The following CSMD1 variants were observed in gnomAD, a reference collection of about 807,000 sequenced individuals.
The protein encoded by CSMD1 is CUB and Sushi multiple domains 1.
A neutral mutation model predicts 417.5 loss-of-function variants in CSMD1; 213 were observed. The ratio of observed to expected loss-of-function variants is 0.51; its 90% confidence interval spans 0.46 to 0.57. CSMD1 has a LOEUF of 0.57. Among genes scored for constraint, CSMD1 ranks in the 20% least tolerant of loss-of-function variants. The pLI is 0.00. For missense variants in CSMD1, 6,923 were observed against 4,529.7 expected (o/e 1.53, Z -15.17); for synonymous variants, 2,862 against 1,736.8 (o/e 1.65, Z -16.11).
chr8:3,229,842 G>A (rs964527895), intron 27 of CSMD1, among the ~76,000 whole-genome samples, 198 bp downstream of exon 27: 5 of 152,106 alleles, frequency 3.3e-5, no homozygotes, highest in Non-Finnish European at 7.3e-5. Context: ...TACCTTAAGG[G>A]GATGACTTCC....
chr8:3,285,104 C>A (rs1295930632), intron 25 of CSMD1, among the ~76,000 whole-genome samples: 1 of 152,038 alleles, frequency 6.6e-6, no homozygotes, highest in Admixed American at 6.6e-5. Context: ...AATTAGCAGC[C>A]CTGAATGGGT....
At chr8:4,634,064 G>C (rs184118832) in intron 2 of CSMD1, among the ~76,000 whole-genome samples, 57 of 149,038 alleles carry the variant, frequency 3.8e-4, no homozygotes, top group Non-Finnish European at 7.3e-4. Context: ...TTTTCATTTT[G>C]AATTTTGAGT....
At chr8:4,553,749 T>A (rs1057042548) in intron 2 of CSMD1, among the ~76,000 whole-genome samples, 1 of 152,202 alleles carries the variant, frequency 6.6e-6, no homozygotes, top group African/African-American at 2.4e-5. Context: ...TACAGAATAT[T>A]TCTAACTGCT....
intron 26 of CSMD1, among the ~76,000 whole-genome samples, chr8:3,244,737 G>C (rs1190663264): frequency 1.3e-5 from 2 of 152,300 alleles, no homozygotes; most frequent in South Asian, 2.1e-4. Context: ...GGGAAACAAG[G>C]GTTGAATGGG....
At chr8:4,623,132 C>T (rs570211084) in intron 2 of CSMD1, among the ~76,000 whole-genome samples, 64 of 152,052 alleles carry the variant, frequency 4.2e-4, no homozygotes, top group Non-Finnish European at 8.7e-4. Flanking sequence ...ATTTAGAAAG[C>T]TCTGATAACT....
At chr8:3,255,485 G>C (rs773945703) in intron 26 of CSMD1, among the ~76,000 whole-genome samples, 2 of 152,198 alleles carry the variant, frequency 1.3e-5, no homozygotes, top group African/African-American at 4.8e-5. Context: ...ACAGAGGCAG[G>C]CAGGCCTCCT....
At chr8:3,224,438 A>C (rs1334300688) in intron 27 of CSMD1, among the ~76,000 whole-genome samples, 1 of 152,226 alleles carries the variant, frequency 6.6e-6, no homozygotes, top group Non-Finnish European at 1.5e-5. Context: ...TATTGGGTAC[A>C]TGAAAACATG....
intron 5 of CSMD1, among the ~76,000 whole-genome samples, chr8:3,809,546 AT>A (rs1052971098): frequency 6.6e-6 from 1 of 152,128 alleles, no homozygotes; most frequent in Admixed American, 6.6e-5. Flanking sequence ...AAACATTGCC[AT>A]GCATCGGATT....
chr8:3,171,424 T>C (rs193164654), intron 37 of CSMD1, among the ~76,000 whole-genome samples: 20 of 152,266 alleles, frequency 1.3e-4, no homozygotes, highest in Admixed American at 4.6e-4. Flanking sequence ...CTGACATGTC[T>C]AAAGTCCACT....
At chr8:3,503,110 C>A (rs1191810236) in intron 10 of CSMD1, among the ~76,000 whole-genome samples, 3 of 152,158 alleles carry the variant, frequency 2.0e-5, no homozygotes, top group Admixed American at 6.5e-5. Flanking sequence ...CTGTATGCAA[C>A]ACATACCAAT....
intron 39 of CSMD1, among the ~76,000 whole-genome samples, chr8:3,152,177 G>A (rs946424722): frequency 6.6e-6 from 1 of 152,166 alleles, no homozygotes; most frequent in African/African-American, 2.4e-5. Flanking sequence ...TGTGAGAGAG[G>A]GTGAAATAAG....
chr8:4,385,533 C>A (rs563359469), intron 3 of CSMD1, among the ~76,000 whole-genome samples: 2 of 152,104 alleles, frequency 1.3e-5, no homozygotes, highest in Admixed American at 6.5e-5. Context: ...ATATTAATCT[C>A]CTTTCATTTT....
intron 2 of CSMD1, among the ~76,000 whole-genome samples, chr8:4,583,684 G>C (rs1374734295): frequency 6.6e-6 from 1 of 152,130 alleles, no homozygotes; most frequent in South Asian, 2.1e-4. Flanking sequence ...GGGTCGTGGA[G>C]AACCTTTGTA....
At chr8:4,257,813 G>C (rs960351917) in intron 3 of CSMD1, among the ~76,000 whole-genome samples, 1 of 152,172 alleles carries the variant, frequency 6.6e-6, no homozygotes, top group Non-Finnish European at 1.5e-5. Context: ...TGTGCATGAG[G>C]TTGCATGCAT....
At chr8:4,804,867 C>G (rs1224067997) in intron 1 of CSMD1, among the ~76,000 whole-genome samples, 2 of 152,138 alleles carry the variant, frequency 1.3e-5, no homozygotes, top group Non-Finnish European at 2.9e-5. Context: ...TGTCTAACAG[C>G]CTGTACCCAA....
chr8:3,322,947 T>G (rs1303354053), intron 23 of CSMD1, among the ~76,000 whole-genome samples: 1 of 152,226 alleles, frequency 6.6e-6, no homozygotes, highest in Non-Finnish European at 1.5e-5. Flanking sequence ...TTGTTTTTGT[T>G]TTTGTTTTCC....
rs1187691655 is a variant in CSMD1, at chr8:2,992,197, ATACATACACACATGCACAC to A, written c.8377+5795_8377+5813del. On this transcript the variant is annotated intron_variant, in intron 54 of 69. Coordinates refer to ENST00000635120, the MANE Select transcript of CSMD1 (RefSeq NM_033225.6). ...CACACATGAACACACACATGCACAC[ATACATACACACATGCACAC>A]ACACATGCACACATGCCACACTCAT... Among the ~76,000 whole-genome samples, 10 of 89,808 alleles carry A rather than the reference ATACATACACACATGCACAC, an allele frequency of 1.1e-4. No individual in the cohort carries two copies. The African/African-American group carries it at 1.2e-3, about 11-fold the overall frequency. 58.9% of individuals were successfully genotyped at this position (89,808 alleles called of 152,430 possible).
At chr8:3,603,360 G>A (rs191030914) in intron 8 of CSMD1, among the ~76,000 whole-genome samples, 4 of 152,224 alleles carry the variant, frequency 2.6e-5, no homozygotes, top group African/African-American at 4.8e-5. Flanking sequence ...TTTGGACAAT[G>A]GCAGGGGACT....
chr8:4,592,177 C>G (rs1319479386), intron 2 of CSMD1, among the ~76,000 whole-genome samples: 1 of 151,516 alleles, frequency 6.6e-6, no homozygotes, highest in Non-Finnish European at 1.5e-5. Context: ...ATAATACTCT[C>G]AGGGTAGATT....
Sources: gnomAD v4.1 joint callset for allele counts (sites outside exome capture counted in the v4.1 genomes callset) on GRCh38, gnomAD v4.1.1 for gene constraint, MANE v1.5 for transcripts, NCBI Gene and HGNC (gene_info 2026-07-23, HGNC 2026-07-21) for gene names.